The following PHF14 variants were observed in gnomAD, a reference collection of about 807,000 sequenced individuals.
PHF14 encodes the protein PHD finger protein 14.
A neutral mutation model predicts 117.9 loss-of-function variants in PHF14; 55 were observed. The ratio of observed to expected loss-of-function variants is 0.47; its 90% CI spans 0.38 to 0.58. PHF14 has a LOEUF of 0.58. Among genes scored for constraint, PHF14 ranks in the 20% least tolerant of loss-of-function variants. PHF14 has a pLI of 0.00. For synonymous variants in PHF14, 409 were observed against 368.6 expected, an observed-to-expected ratio of 1.11 and a Z score of -1.26; for missense variants, 978 against 1,122.2, an observed-to-expected ratio of 0.87 and a Z score of 1.84.
At chr7:11,025,163 A>C (rs1418761564) in intron 6 of PHF14, among the ~76,000 whole-genome samples, 1 of 152,218 alleles carries the variant, frequency 6.6e-6, no homozygotes, top group African/African-American at 2.4e-5. Context: ...AACTAGAATT[A>C]GAAGTGTAGC....
At chr7:11,063,637 G>A in intron 16 of PHF14, 1 of 974,334 alleles carries the variant, frequency 1.0e-6, no homozygotes, top group East Asian at 1.1e-4. Flanking sequence ...CCTTTTTGCT[G>A]TAGGACTTAG....
At chr7:11,082,781 C>T (rs551530427) in intron 16 of PHF14, among the ~76,000 whole-genome samples, 3 of 152,228 alleles carry the variant, frequency 2.0e-5, no homozygotes, top group Non-Finnish European at 4.4e-5. Flanking sequence ...CCTTCACACT[C>T]AGTAGAATTT....
intron 17 of PHF14, among the ~76,000 whole-genome samples, chr7:11,160,029 A>T (rs1788977902): frequency 6.6e-6 from 1 of 152,090 alleles, no homozygotes; most frequent in Admixed American, 6.6e-5. Context: ...TAATGAGCCT[A>T]GTACCCAGTA....
rs1030239679 is a variant in PHF14 at position 11,107,167 on chromosome 7, A to G, written c.2655-4183A>G. 7 of 984,594 alleles carry G rather than the reference A, an allele frequency of 7.1e-6. No homozygotes were observed. In the African/African-American group the frequency reaches 1.0e-4, roughly 15 times the overall value. The allele number at this position is 984,594 out of a possible 1,614,324, so 61.0% of individuals were successfully genotyped here. On this transcript the variant is annotated intron_variant, in intron 16 of 17. Transcript: ENST00000634607. ...TGACTTTTGGCCTCTTAGGCATTCG[A>G]TGAAATAAATCAGCTGCTTCTTTTT...
At chr7:11,112,523 G>A (rs1365511410) in intron 17 of PHF14, among the ~76,000 whole-genome samples, 1 of 152,012 alleles carries the variant, frequency 6.6e-6, no homozygotes, top group Non-Finnish European at 1.5e-5. Context: ...TGTAATCCCA[G>A]CACTTTGGGA....
intron 17 of PHF14, among the ~76,000 whole-genome samples, chr7:11,148,258 C>T (rs1190197184): frequency 6.6e-6 from 1 of 152,166 alleles, no homozygotes; most frequent in Non-Finnish European, 1.5e-5. Context: ...TTAAACCCTC[C>T]AGTGGCTTCT....
intron 16 of PHF14, chr7:11,108,353 T>C (rs1314634216): frequency 6.6e-6 from 1 of 151,742 alleles, no homozygotes; most frequent in East Asian, 1.9e-4. Context: ...TTTCTTTTTT[T>C]CCCCTTCTGT....
chr7:11,125,401 A>C (rs1417264692), intron 17 of PHF14, among the ~76,000 whole-genome samples: 1 of 152,122 alleles, frequency 6.6e-6, no homozygotes, highest in East Asian at 1.9e-4. Context: ...TCCTAGTATC[A>C]GCATTCTTTT....
intron 4 of PHF14, among the ~76,000 whole-genome samples, chr7:11,000,579 TC>T (rs1235206140): frequency 6.6e-6 from 1 of 152,154 alleles, no homozygotes; most frequent in Admixed American, 6.5e-5. Context: ...CCTCAAGTGA[TC>T]CACCTGCCTT....
chr7:10,984,586 G>C (rs1230394367), intron 3 of PHF14, among the ~76,000 whole-genome samples: 1 of 152,020 alleles, frequency 6.6e-6, no homozygotes, highest in Non-Finnish European at 1.5e-5. Context: ...GTTTACTTTT[G>C]ACCACATCAC....
chr7:11,097,639 T>A (rs1298455602), intron 16 of PHF14, among the ~76,000 whole-genome samples: 1 of 152,238 alleles, frequency 6.6e-6, no homozygotes, highest in Non-Finnish European at 1.5e-5. Context: ...TACTTTCCCT[T>A]ACCACAGTTA....
Position 11,040,701 on chromosome 7 carries a change from A to T in PHF14, c.2106A>T (p.Ala702=). ...QKLNIPAILR[A]PKERKPSKKE... is the part of the protein sequence containing the mutation. Reference sequence around the variant, plus strand: ...TGAATATACCGGCAATTTTGCGAGCACCCAAGGAGAGAAAACCAAGTAAAA... The same window carrying T: ...TGAATATACCGGCAATTTTGCGAGCTCCCAAGGAGAGAAAACCAAGTAAAA... The change falls in exon 12 of 18, where the codon GCA becomes GCT. Residue 702 remains alanine (A), a synonymous_variant. Transcript: ENST00000634607. 34 of 1,565,010 alleles carry T rather than the reference A, an allele frequency of 2.2e-5. No individual in the cohort carries two copies. The highest frequency in any genetic ancestry group is 2.9e-5 in the Non-Finnish European group (34 of 1,153,936).
At chr7:11,158,523 C>CT (rs1225569771) in intron 17 of PHF14, among the ~76,000 whole-genome samples, 1 of 152,044 alleles carries the variant, frequency 6.6e-6, no homozygotes, top group Non-Finnish European at 1.5e-5. Flanking sequence ...TATGAAGCTA[C>CT]TTTTTTTATT....
At chr7:11,069,643 T>A (rs1171323588) in intron 16 of PHF14, among the ~76,000 whole-genome samples, 1 of 66,028 alleles carries the variant, frequency 1.5e-5, no homozygotes, top group African/African-American at 6.3e-5. Context: ...TCCCCTCCCC[T>A]CCTCTCCTCT....
At chr7:11,111,273 T>TAAA (rs1365274525) in intron 16 of PHF14, 77 bp from the exon 17 acceptor site, 1 of 648,896 alleles carries the variant, frequency 1.5e-6, no homozygotes, top group African/African-American at 1.9e-5. Flanking sequence ...CAATAGTTTG[T>TAAA]CTTTTTGTCT....
At chr7:11,075,860 G>A (rs146695433) in intron 16 of PHF14, among the ~76,000 whole-genome samples, 4 of 152,022 alleles carry the variant, frequency 2.6e-5, no homozygotes, top group South Asian at 2.1e-4. Context: ...GGCTGGGCGC[G>A]GTGACTCATG....
chr7:11,135,435 G>A (rs1788192129), intron 17 of PHF14, among the ~76,000 whole-genome samples: 1 of 152,056 alleles, frequency 6.6e-6, no homozygotes, highest in Non-Finnish European at 1.5e-5. Flanking sequence ...TTCTGAAGCA[G>A]TGGAAATAGC....
In PHF14 at chr7:11,010,427, A is replaced by G. The variant is rs139953306; in HGVS notation, c.1046-3320A>G. ...GATTCCTTTGCTTATCTTGTGTGTT[A>G]TAGTCTAACTCCTTTTAAATCTGTT... is the stretch of plus-strand genomic sequence containing the variant. On this transcript the variant is annotated intron_variant, in intron 4 of 17. Coordinates refer to ENST00000634607, the MANE Select transcript of PHF14 (RefSeq NM_001007157.2). Among the ~76,000 whole-genome samples, 417 of 152,120 alleles carry G rather than the reference A, an allele frequency of 2.7e-3. 3 individuals carry two copies. The highest frequency in any genetic ancestry group is 9.7e-3 in the African/African-American group (403 of 41,514).
At chr7:11,034,004 C>T (rs1171409205) in intron 7 of PHF14, among the ~76,000 whole-genome samples, 1 of 152,108 alleles carries the variant, frequency 6.6e-6, no homozygotes, top group Non-Finnish European at 1.5e-5. Flanking sequence ...TTTTTGAAGT[C>T]CCATAGCCTG....
Sources: allele counts gnomAD v4.1 joint callset (sites outside exome capture counted in the v4.1 genomes callset), GRCh38; gene constraint gnomAD v4.1.1; transcripts MANE v1.5; gene names NCBI Gene and HGNC (gene_info 2026-07-23, HGNC 2026-07-21).